ZNF143: variants seen among roughly 807,000 people sequenced by gnomAD.
ZNF143 encodes the protein zinc finger protein 143.
Under a neutral mutation model 74.1 loss-of-function variants are expected in ZNF143, and 49 were observed. That is an observed-to-expected ratio of 0.66 (90% CI 0.53 to 0.84). The LOEUF (loss-of-function observed/expected upper bound fraction) is 0.84, where lower values mean the gene tolerates loss of function less well. ZNF143 is among the 40% of genes least tolerant of loss of function. The pLI, the probability that ZNF143 is intolerant of heterozygous loss-of-function variation, is 0.00. For missense variants in ZNF143, 637 were observed against 793.4 expected, an observed-to-expected ratio of 0.80 and a Z score of 2.37; for synonymous variants, 304 against 282.8, an observed-to-expected ratio of 1.07 and a Z score of -0.75.
chr11:9,527,645 G>A lies in ZNF143; in HGVS notation c.*32G>A, dbSNP rs148983855. 6.3e-7 allele frequency: 1 copy of A among 1,592,458 alleles called. No homozygotes were observed. The highest frequency in any genetic ancestry group is 8.6e-7 in the Non-Finnish European group (1 of 1,161,980). On this transcript the variant is annotated 3_prime_UTR_variant, in exon 16 of 16. Coordinates refer to ENST00000396602, the MANE Select transcript of ZNF143 (RefSeq NM_003442.6). ...GAACAATGGAGCAATAAAGCAGAAG[G>A]AGTCTTTCATCTTCTGGCAGCAGAA...
chr11:9,479,453 CTTTA>C lies in ZNF143; in HGVS notation c.571-15_571-12del. 1.3e-6 allele frequency: 2 copies of C among 1,596,014 alleles called. No individual in the cohort carries two copies. The highest frequency in any genetic ancestry group is 1.7e-6 in the Non-Finnish European group (2 of 1,169,334). Reference sequence around the variant, plus strand: ...TATCAAAATGTAAAACATTTTAAAGCTTTATTTTATTCCTATAGGTGTCCATTGA... The same window carrying C: ...TATCAAAATGTAAAACATTTTAAAGCTTTTATTCCTATAGGTGTCCATTGA... On this transcript the variant is annotated splice_polypyrimidine_tract_variant and intron_variant, in intron 6 of 15. Transcript: ENST00000396602.
chr11:9,512,332 A>G, intron 12 of ZNF143, 116 bp from the exon 13 acceptor site: 1 of 1,339,976 alleles, frequency 7.5e-7, no homozygotes, highest in Non-Finnish European at 1.0e-6. Context: ...TTCGTGACTT[A>G]GAATATAATA....
chr11:9,471,057 G>A (rs977830432), intron 1 of ZNF143: 4 of 212,480 alleles, frequency 1.9e-5, no homozygotes, highest in Admixed American at 5.9e-5. Context: ...GGCACAATTC[G>A]TCAGTGTACT....
intron 5 of ZNF143, among the ~76,000 whole-genome samples, chr11:9,477,449 A>G (rs1224744677): frequency 1.3e-5 from 2 of 151,416 alleles, no homozygotes; most frequent in East Asian, 3.9e-4. Context: ...TAGAGATGGG[A>G]TTTCACCATG....
At position 9,467,336 on chromosome 11, in the gene ZNF143, A is replaced by G. The variant is rs546753838; in HGVS notation, c.-7-3966A>G. The stretch of plus-strand genomic sequence containing the variant: ...CTGCTGCCTCCACCCTCCGGGTTCA[A>G]GTGATTCTCCTGCCTCAGCTGGGAG... On this transcript the variant is annotated intron_variant, in intron 1 of 15. Transcript: ENST00000396602. 2.0e-5 allele frequency among the ~76,000 whole-genome samples: 3 copies of G among 151,468 alleles called. No homozygotes were observed. In the East Asian group the frequency reaches 5.9e-4, roughly 30 times the overall value.
At chr11:9,492,594 G>A (rs1847823390) in intron 7 of ZNF143, among the ~76,000 whole-genome samples, 1 of 152,126 alleles carries the variant, frequency 6.6e-6, no homozygotes, top group South Asian at 2.1e-4. Flanking sequence ...CAGCTGAGTG[G>A]TTTTTAGTAA....
rs1006247490 is a variant in ZNF143 at position 9,461,125 on chromosome 11, G to A, written c.-8+49G>A. 6.1e-6 allele frequency: 6 copies of A among 979,546 alleles called. No individual in the cohort carries two copies. In the East Asian group the frequency reaches 6.9e-4, roughly 112 times the overall value. The allele number at this position is 979,546 out of a possible 1,614,324, so 60.7% of individuals were successfully genotyped here. A position where few individuals can be genotyped will look rare whatever the true frequency, so the allele number is the denominator to read the frequency against. ...CCCAGTGTGCATTATTCTCCGCCTG[G>A]CCGCCGCCCTCAGCGCGGCGGCGCG... On this transcript the variant is annotated intron_variant, in intron 1 of 15. Coordinates refer to ENST00000396602, the MANE Select transcript of ZNF143 (RefSeq NM_003442.6).
At chr11:9,505,326 G>C (rs1848324142) in intron 11 of ZNF143, among the ~76,000 whole-genome samples, 1 of 147,600 alleles carries the variant, frequency 6.8e-6, no homozygotes, top group African/African-American at 2.6e-5. Flanking sequence ...CTGGAGTGCA[G>C]TGTCGTGACC....
chr11:9,479,646 A>G, intron 7 of ZNF143, 100 bp downstream of exon 7: 1 of 912,196 alleles, frequency 1.1e-6, no homozygotes, highest in Non-Finnish European at 1.7e-6. Flanking sequence ...TCTCTAGGAA[A>G]ATCTCACCAG....
chr11:9,468,859 C>A (rs892675487), intron 1 of ZNF143, among the ~76,000 whole-genome samples: 2 of 151,952 alleles, frequency 1.3e-5, no homozygotes, highest in Non-Finnish European at 2.9e-5. Context: ...ATTTTCTGGG[C>A]ACGGTGGCTC....
In ZNF143 at chr11:9,476,746, C is replaced by CTTTTTTTTTTTTTTTT. The variant is rs869069237; in HGVS notation, c.374-1628_374-1613dup. On this transcript the variant is annotated intron_variant, in intron 5 of 15. Transcript: ENST00000396602. ...TTGTTGTGAAGCCAAAGGGAGGAAT[C>CTTTTTTTTTTTTTTTT]TTTTTTTTTTTTTTTTTTTTTTTTT... 1.1e-4 allele frequency among the ~76,000 whole-genome samples: 4 copies of CTTTTTTTTTTTTTTTT among 34,834 alleles called. 1 individual carries two copies. Among genetic ancestry groups the CTTTTTTTTTTTTTTTT allele is most frequent in the Non-Finnish European group, 2.1e-4 (4 of 18,722 alleles). The allele number at this position is 34,834 out of a possible 152,430, so 22.9% of individuals were successfully genotyped here. A position where few individuals can be genotyped will look rare whatever the true frequency, so the allele number is the denominator to read the frequency against.
intron 3 of ZNF143, chr11:9,473,680 A>G: frequency 2.0e-6 from 2 of 1,012,810 alleles, no homozygotes; most frequent in Admixed American, 2.2e-5. Context: ...CAACTCATGT[A>G]GCCTGCTGTG....
chr11:9,509,033 A>G (rs551796610), intron 12 of ZNF143, among the ~76,000 whole-genome samples, 187 bp downstream of exon 12: 1 of 152,306 alleles, frequency 6.6e-6, no homozygotes, highest in Admixed American at 6.5e-5. Context: ...ATAGAAGGGA[A>G]TGTTAGTTTG....
At position 9,474,565 on chromosome 11, in the gene ZNF143, G is replaced by T; in HGVS notation, c.305G>T (p.Arg102Leu). The part of the protein sequence containing the change: ...PIPKSTGDSL[R>L]LEDGQAVQLE... ...TGTTCTTGAGCAGGGGACAGTTTGCGTCTAGAGGATGGTCAAGCAGTACAG... is the reference window on the plus strand; with the variant it reads ...TGTTCTTGAGCAGGGGACAGTTTGCTTCTAGAGGATGGTCAAGCAGTACAG... The change falls in exon 5 of 16, where the codon CGT becomes CTT. Residue 102 changes from arginine to leucine, a missense_variant. Physicochemically the swap from Arg to Leu is moderately radical, Grantham distance 102 (BLOSUM62 -2). Transcript: ENST00000396602. 1.9e-6 allele frequency: 3 copies of T among 1,614,108 alleles called. No individual in the cohort carries two copies. The highest frequency in any genetic ancestry group is 2.5e-6 in the Non-Finnish European group (3 of 1,180,008).
chr11:9,511,328 G>A (rs564605381), intron 12 of ZNF143, among the ~76,000 whole-genome samples: 14 of 147,850 alleles, frequency 9.5e-5, no homozygotes, highest in Admixed American at 1.3e-4. Context: ...ACAGAGTCTT[G>A]CTCTGTCGCC....
chr11:9,479,849 C>G (rs1466348750), intron 7 of ZNF143, among the ~76,000 whole-genome samples: 1 of 152,166 alleles, frequency 6.6e-6, no homozygotes. Flanking sequence ...CCTGACTGCC[C>G]CCACCCATGG....
chr11:9,484,090 A>C (rs1049167374), intron 7 of ZNF143, among the ~76,000 whole-genome samples: 6 of 151,456 alleles, frequency 4.0e-5, no homozygotes, highest in African/African-American at 1.2e-4. Flanking sequence ...CTTGTGACTT[A>C]TTATATTTCT....
chr11:9,507,035 A>G (rs1427037873), intron 11 of ZNF143, among the ~76,000 whole-genome samples: 2 of 152,166 alleles, frequency 1.3e-5, no homozygotes, highest in African/African-American at 2.4e-5. Flanking sequence ...CTCAGCAACT[A>G]TCCACCAAAA....
chr11:9,511,417 C>T (rs1009486321), intron 12 of ZNF143, among the ~76,000 whole-genome samples: 3 of 151,872 alleles, frequency 2.0e-5, no homozygotes, highest in African/African-American at 7.3e-5. Context: ...CTGCCTCAGC[C>T]CCCTGAGTAG....
Sources: gnomAD v4.1 joint callset for allele counts (sites outside exome capture counted in the v4.1 genomes callset) on GRCh38, gnomAD v4.1.1 for gene constraint, MANE v1.5 for transcripts, NCBI Gene and HGNC (gene_info 2026-07-23, HGNC 2026-07-21) for gene names.